AHDC1: variants seen among roughly 807,000 people sequenced by gnomAD.
The protein encoded by AHDC1 is AT-hook DNA binding motif containing 1.
AHDC1 carries 7 observed loss-of-function variants against 87.9 expected under a neutral mutation model. The observed-to-expected ratio is 0.08, with a 90% CI of 0.05 to 0.15. AHDC1 has a LOEUF of 0.15. AHDC1 is among the 10% of genes least tolerant of loss of function. The pLI is 1.00. For synonymous variants in AHDC1, 1,051 were observed against 1,006.8 expected, an observed-to-expected ratio of 1.04 and a Z score of -0.83; for missense variants, 1,841 against 2,253.2, an observed-to-expected ratio of 0.82 and a Z score of 3.70.
intron 3 of AHDC1, among the ~76,000 whole-genome samples, chr1:27,572,064 C>G (rs961677541): frequency 1.3e-5 from 2 of 152,040 alleles, no homozygotes; most frequent in African/African-American, 2.4e-5. Flanking sequence ...CTTCAGCCCC[C>G]CAACTCAAGG....
intron 3 of AHDC1, among the ~76,000 whole-genome samples, chr1:27,600,199 G>C (rs1232102876): frequency 6.6e-6 from 1 of 151,770 alleles, no homozygotes. Context: ...CCCTGGGGGG[G>C]GCCCATCTGC....
chr1:27,600,180 C>T (rs1368873092), intron 3 of AHDC1, among the ~76,000 whole-genome samples: 1 of 151,948 alleles, frequency 6.6e-6, no homozygotes, highest in African/African-American at 2.4e-5. Context: ...GTCGCTCCCC[C>T]GCCCCCCTCC....
At chr1:27,582,465 C>G (rs1216197808) in intron 3 of AHDC1, among the ~76,000 whole-genome samples, 1 of 152,248 alleles carries the variant, frequency 6.6e-6, no homozygotes, top group African/African-American at 2.4e-5. Context: ...TGCAGTAACC[C>G]TGTAATGTGG....
At chr1:27,586,985 G>T (rs1385302711) in intron 3 of AHDC1, among the ~76,000 whole-genome samples, 1 of 152,168 alleles carries the variant, frequency 6.6e-6, no homozygotes, top group Non-Finnish European at 1.5e-5. Flanking sequence ...CATTTGGAGT[G>T]CCCCAAAATC....
intron 3 of AHDC1, among the ~76,000 whole-genome samples, chr1:27,583,495 A>T (rs1413981045): frequency 6.6e-6 from 1 of 152,096 alleles, no homozygotes; most frequent in East Asian, 1.9e-4. Flanking sequence ...CGGGGAGTGT[A>T]TGTTGATTTG....
intron 3 of AHDC1, among the ~76,000 whole-genome samples, chr1:27,576,561 C>T (rs2088756787): frequency 6.6e-6 from 1 of 152,176 alleles, no homozygotes; most frequent in Non-Finnish European, 1.5e-5. Context: ...TTAAGTGACC[C>T]ACCAAAGGTC....
chr1:27,588,940 G>A (rs2089145670), intron 3 of AHDC1, among the ~76,000 whole-genome samples: 1 of 151,970 alleles, frequency 6.6e-6, no homozygotes. Context: ...TGAAGGAAGG[G>A]TGAGTGAGTG....
intron 3 of AHDC1, among the ~76,000 whole-genome samples, chr1:27,578,124 C>A (rs1284233261): frequency 6.6e-6 from 1 of 152,188 alleles, no homozygotes; most frequent in Non-Finnish European, 1.5e-5. Flanking sequence ...ACATGGTAGC[C>A]ACTAGCCACA....
At position 27,547,521 on chromosome 1, in the gene AHDC1, G is replaced by A. The variant is rs930508757; in HGVS notation, c.4595C>T (p.Ala1532Val). Residue 1532 changes from alanine to valine, a missense_variant, in exon 8 of 9, where the codon GCT (alanine) becomes GTT (valine). Around this residue, in one of 13 missense-constraint regions of AHDC1, gnomAD observed 505 missense variants for 626.2 expected, o/e 0.81. Coordinates refer to ENST00000673934, the MANE Select transcript of AHDC1 (RefSeq NM_001371928.1). This position sits in a 1 kb window ranked among gnomAD's most constrained non-coding sequence, Gnocchi z 4.9. ...ARPPGPPRGP[A>V]AAAAGYGCPL... is the part of the protein sequence containing the mutation. ...GCAGCCATAGCCAGCAGCGGCTGCA[G>A]CAGGGCCACGGGGTGGGCCAGGGGG... is the stretch of plus-strand genomic sequence containing the variant. 5 of 1,610,280 alleles carry A rather than the reference G, an allele frequency of 3.1e-6. No homozygotes were observed. The highest frequency in any genetic ancestry group is 4.2e-6 in the Non-Finnish European group (5 of 1,178,028).
At chr1:27,575,335 C>T (rs1404340646) in intron 3 of AHDC1, among the ~76,000 whole-genome samples, 3 of 152,102 alleles carry the variant, frequency 2.0e-5, no homozygotes, top group Non-Finnish European at 4.4e-5. Flanking sequence ...GCGTTGCCTG[C>T]ACCTGGCCCT....
At chr1:27,587,619 T>C (rs1363915673) in intron 3 of AHDC1, among the ~76,000 whole-genome samples, 2 of 152,176 alleles carry the variant, frequency 1.3e-5, no homozygotes, top group Non-Finnish European at 2.9e-5. Context: ...GTGATATGGT[T>C]ATCAGGTGAG....
Position 27,552,076 on chromosome 1 carries a change from C to T in AHDC1, c.40G>A (p.Ala14Thr). The T allele has an allele frequency of 6.7e-7, 1 of 1,488,122 alleles. No homozygotes were observed. The allele number at this position is 1,488,122 out of a possible 1,614,324, so 92.2% of individuals were successfully genotyped here. ...KPQGLVVTSS[A>T]VCSSPDYLRE... ...AGGTAGTCAGGAGAGCTGCACACGGCACTGGAAGTCACCACCAGGCCCTGG... is the reference window on the plus strand; with the variant it reads ...AGGTAGTCAGGAGAGCTGCACACGGTACTGGAAGTCACCACCAGGCCCTGG... Residue 14 changes from alanine to threonine, a missense_variant, in exon 8 of 9, where the codon GCC becomes ACC. Ala to Thr is a moderately conservative substitution (Grantham distance 58, BLOSUM62 0). Coordinates refer to ENST00000673934, the MANE Select transcript of AHDC1 (RefSeq NM_001371928.1).
intron 3 of AHDC1, among the ~76,000 whole-genome samples, chr1:27,582,996 T>A (rs1484599719): frequency 1.3e-5 from 2 of 152,100 alleles, no homozygotes; most frequent in Non-Finnish European, 2.9e-5. Flanking sequence ...CACTGCAACC[T>A]CCGCCTCCTG....
In AHDC1 at chr1:27,549,963, G is replaced by A; in HGVS notation, c.2153C>T (p.Thr718Ile). The change falls in exon 8 of 9, where the codon ACT (threonine) becomes ATT (isoleucine). Residue 718 changes from threonine (T) to isoleucine (I), a missense_variant. This residue lies in a region of AHDC1 where 236 missense variants were observed against 257.9 expected (regional missense o/e 0.92). Coordinates refer to ENST00000673934, the MANE Select transcript of AHDC1 (RefSeq NM_001371928.1). ...CCGTTTGCGTGGGTGCCCCAACTCAGTAAGGCCCGGGCCCCCGACCCCAGC... is the reference window on the plus strand; with the variant it reads ...CCGTTTGCGTGGGTGCCCCAACTCAATAAGGCCCGGGCCCCCGACCCCAGC... The part of the protein sequence containing the change: ...AAAGVGGPGL[T>I]ELGHPRKRGR... 6.2e-7 allele frequency: 1 copy of A among 1,611,976 alleles called. No individual in the cohort carries two copies. The highest frequency in any genetic ancestry group is 8.5e-7 in the Non-Finnish European group (1 of 1,179,090).
Position 27,595,198 on chromosome 1 carries a change from T to A in AHDC1, c.-629+8199A>T, listed in dbSNP as rs1341139630. Reference sequence around the variant, plus strand: ...TTGTTTGAGTGGGTGTTTGAAGCAGTGAGTGTATGTGTGTTGTAGGGGGAG... The same window carrying A: ...TTGTTTGAGTGGGTGTTTGAAGCAGAGAGTGTATGTGTGTTGTAGGGGGAG... On this transcript the variant is annotated intron_variant, in intron 3 of 8. Transcript: ENST00000673934. The surrounding 1 kb of genome is among the most constrained non-coding windows in gnomAD (Gnocchi z 4.0). 1.3e-5 allele frequency among the ~76,000 whole-genome samples: 2 copies of A among 151,876 alleles called. No homozygotes were observed. The highest frequency in any genetic ancestry group is 4.8e-5 in the African/African-American group (2 of 41,300).
chr1:27,574,065 T>C (rs905241171), intron 3 of AHDC1, among the ~76,000 whole-genome samples: 20 of 152,178 alleles, frequency 1.3e-4, no homozygotes, highest in Non-Finnish European at 5.9e-5. Context: ...CCGAGGCATC[T>C]GAATTTGAAT....
intron 8 of AHDC1, among the ~76,000 whole-genome samples, chr1:27,546,059 A>G (rs955465853): frequency 6.6e-6 from 1 of 152,188 alleles, no homozygotes; most frequent in Non-Finnish European, 1.5e-5. Context: ...GGCCTCCCAG[A>G]GCACGGATGG....
intron 3 of AHDC1, 82 bp downstream of exon 3, chr1:27,603,315 G>GC (rs1035655704): frequency 7.9e-5 from 12 of 151,598 alleles, no homozygotes; most frequent in East Asian, 1.9e-4. Context: ...GGGGACGCAG[G>GC]CCCCCCCCGT....
chr1:27,597,398 G>A (rs965310678), intron 3 of AHDC1, among the ~76,000 whole-genome samples: 8 of 149,346 alleles, frequency 5.4e-5, no homozygotes, highest in East Asian at 1.9e-4. Context: ...AGAGAGAGAC[G>A]CAGGGCCTGT....
Sources: gnomAD v4.1 joint callset for allele counts (sites outside exome capture counted in the v4.1 genomes callset) on GRCh38, gnomAD v4.1.1 for gene constraint, gnomAD v4.1.1 regional missense constraint, Gnocchi (gnomAD v3.1) non-coding constraint, MANE v1.5 for transcripts, NCBI Gene and HGNC (gene_info 2026-07-23, HGNC 2026-07-21) for gene names.